GNA14: variants seen among roughly 807,000 people sequenced by gnomAD.
GNA14 encodes G protein subunit alpha 14, also known as guanine nucleotide-binding protein subunit alpha-14.
A neutral mutation model predicts 42.0 loss-of-function variants in GNA14; 50 were observed. That is an observed-to-expected ratio of 1.19 (90% CI 0.95 to 1.51). The LOEUF (loss-of-function observed/expected upper bound fraction) is 1.51. Among genes scored for constraint, GNA14 ranks in the 40% most tolerant of loss-of-function variants. The pLI is 0.00. For missense variants in GNA14, 473 were observed against 446.2 expected (o/e 1.06, Z -0.54); for synonymous variants, 173 against 163.1 (o/e 1.06, Z -0.46).
intron 1 of GNA14, among the ~76,000 whole-genome samples, chr9:77,617,800 T>G (rs1233840078): frequency 1.1e-4 from 16 of 152,070 alleles, no homozygotes; most frequent in Admixed American, 1.0e-3. Flanking sequence ...CTCCCCAGCC[T>G]AGAATGCCCA....
intron 1 of GNA14, among the ~76,000 whole-genome samples, chr9:77,590,184 T>C (rs112939739): frequency 0.053 from 8,119 of 152,274 alleles, 741 homozygotes; most frequent in African/African-American, 0.18. Context: ...CCCAAAGTGC[T>C]GGGATTACAG....
At chr9:77,471,124 T>C (rs1357073557) in intron 2 of GNA14, among the ~76,000 whole-genome samples, 1 of 152,066 alleles carries the variant, frequency 6.6e-6, no homozygotes, top group Non-Finnish European at 1.5e-5. Flanking sequence ...TAAGCAAAGA[T>C]CTGGGAGTAA....
chr9:77,623,679 T>C (rs1823969832), intron 1 of GNA14, among the ~76,000 whole-genome samples: 1 of 152,158 alleles, frequency 6.6e-6, no homozygotes. Context: ...GGGAACTCCC[T>C]ACCCTAGCCA....
At chr9:77,605,676 A>T (rs1357349731) in intron 1 of GNA14, among the ~76,000 whole-genome samples, 1 of 152,238 alleles carries the variant, frequency 6.6e-6, no homozygotes, top group Admixed American at 6.5e-5. Context: ...GCACAGAAAG[A>T]GAAATATAGC....
chr9:77,647,694 GGC>G lies in GNA14; in HGVS notation c.98_99del (p.Arg33ProfsTer2). The G allele has an allele frequency of 6.2e-7, 1 of 1,610,208 alleles. No individual in the cohort carries two copies. The highest frequency in any genetic ancestry group is 1.1e-5 in the South Asian group (1 of 90,220). On this transcript the variant is annotated frameshift_variant, in exon 1 of 7. Transcript: ENST00000341700. LOFTEE classifies it high-confidence loss of function. ...RQLRRDKKDA[R>X]RELKLLLLGT... ...CCCAGCAGCAGCAGCTTAAGCTCAC[GGC>G]GCGCGTCCTTCTTGTCCCGACGAAG...
At chr9:77,521,834 T>C (rs983167572) in intron 2 of GNA14, among the ~76,000 whole-genome samples, 1 of 152,158 alleles carries the variant, frequency 6.6e-6, no homozygotes, top group Non-Finnish European at 1.5e-5. Flanking sequence ...CAAAATCATA[T>C]GGTACATATT....
At chr9:77,427,297 T>TA (rs1422329447) in intron 5 of GNA14, among the ~76,000 whole-genome samples, 22 of 150,604 alleles carry the variant, frequency 1.5e-4, no homozygotes. Flanking sequence ...CTATTTTTTT[T>TA]ATATTGATAA....
intron 2 of GNA14, 49 bp downstream of exon 2, chr9:77,529,020 G>A (rs559756431): frequency 2.0e-6 from 3 of 1,466,856 alleles, no homozygotes; most frequent in East Asian, 2.3e-5. Flanking sequence ...TAACCAGAGT[G>A]GGCAGGCATA....
At chr9:77,511,329 G>A (rs1431832103) in intron 2 of GNA14, among the ~76,000 whole-genome samples, 2 of 152,122 alleles carry the variant, frequency 1.3e-5, no homozygotes, top group Non-Finnish European at 2.9e-5. Context: ...CTCCAAGAGT[G>A]TCAGTCAAAG....
chr9:77,633,368 G>T (rs1046963068), intron 1 of GNA14, among the ~76,000 whole-genome samples: 3 of 152,126 alleles, frequency 2.0e-5, no homozygotes, highest in Non-Finnish European at 4.4e-5. Flanking sequence ...AGAAGGATGA[G>T]TCTGGCCCGT....
intron 1 of GNA14, among the ~76,000 whole-genome samples, chr9:77,551,049 A>G (rs1184904325): frequency 6.6e-6 from 1 of 152,182 alleles, no homozygotes; most frequent in African/African-American, 2.4e-5. Flanking sequence ...CCCTGCCCTC[A>G]AAACATACAT....
Position 77,434,362 on chromosome 9 carries a change from A to G in GNA14, c.464+6T>C. On this transcript the variant is annotated splice_donor_region_variant and intron_variant, in intron 3 of 6. Coordinates refer to ENST00000341700, the MANE Select transcript of GNA14 (RefSeq NM_004297.4). ...CGCGGGCGGCCAGGGTGGGCTCTGT[A>G]CTCACTATTTGGCAGAGTCCGACAG... The G allele has an allele frequency of 1.2e-6, 2 of 1,612,548 alleles. No homozygotes were observed. The highest frequency in any genetic ancestry group is 1.7e-6 in the Non-Finnish European group (2 of 1,179,506).
intron 1 of GNA14, among the ~76,000 whole-genome samples, chr9:77,555,407 G>A (rs1010956752): frequency 1.3e-5 from 2 of 152,134 alleles, no homozygotes; most frequent in Admixed American, 6.6e-5. Flanking sequence ...ATGAGGCTAA[G>A]GTGGGAGTAA....
At chr9:77,503,878 C>T (rs1344151899) in intron 2 of GNA14, among the ~76,000 whole-genome samples, 2 of 152,054 alleles carry the variant, frequency 1.3e-5, no homozygotes, top group Non-Finnish European at 2.9e-5. Flanking sequence ...GATGGGGTTT[C>T]ACCATGTTGG....
intron 1 of GNA14, among the ~76,000 whole-genome samples, chr9:77,592,465 C>G (rs1340628034): frequency 6.6e-6 from 1 of 152,168 alleles, no homozygotes; most frequent in African/African-American, 2.4e-5. Context: ...TATAAAAGAT[C>G]TGTGTAAGAT....
intron 1 of GNA14, chr9:77,580,537 G>C: frequency 2.1e-6 from 1 of 471,820 alleles, no homozygotes; most frequent in South Asian, 2.1e-5. Flanking sequence ...CCCCATCATC[G>C]GGTTCCACCA....
chr9:77,591,847 A>G (rs546069002), intron 1 of GNA14, among the ~76,000 whole-genome samples: 1 of 151,470 alleles, frequency 6.6e-6, no homozygotes, highest in South Asian at 2.1e-4. Context: ...CTTCTCATGC[A>G]CCCAACAGCC....
chr9:77,563,405 A>C (rs572631224), intron 1 of GNA14, among the ~76,000 whole-genome samples: 1 of 152,324 alleles, frequency 6.6e-6, no homozygotes, highest in African/African-American at 2.4e-5. Flanking sequence ...TTCAAAGCTT[A>C]GGAAAACACA....
chr9:77,591,250 C>A (rs1036453118), intron 1 of GNA14, among the ~76,000 whole-genome samples: 1 of 152,194 alleles, frequency 6.6e-6, no homozygotes, highest in Non-Finnish European at 1.5e-5. Context: ...GCATGAGCCA[C>A]CACACCCAGC....
Sources: allele counts gnomAD v4.1 joint callset (sites outside exome capture counted in the v4.1 genomes callset), GRCh38; gene constraint gnomAD v4.1.1; transcripts MANE v1.5; gene names NCBI Gene and HGNC (gene_info 2026-07-23, HGNC 2026-07-21).